The following PANX1 variants were observed in gnomAD, a reference collection of about 807,000 sequenced individuals.
PANX1 encodes the protein pannexin 1, also known as pannexin-1.
A neutral mutation model predicts 38.7 loss-of-function variants in PANX1; 30 were observed. The ratio of observed to expected loss-of-function variants is 0.78; its 90% CI spans 0.58 to 1.05. The LOEUF is 1.05. Ranked by LOEUF, PANX1 falls within the 50% of genes least tolerant of loss-of-function variation. The probability of loss-of-function intolerance (pLI) is 0.00; values close to 1 mark genes in which losing one functional copy is unlikely to be tolerated. For missense variants in PANX1, 551 were observed against 517.2 expected, an observed-to-expected ratio of 1.07 and a Z score of -0.63; for synonymous variants, 230 against 212.2, an observed-to-expected ratio of 1.08 and a Z score of -0.73.
chr11:94,152,434 A>T (rs1449788797), intron 1 of PANX1, among the ~76,000 whole-genome samples: 3 of 152,194 alleles, frequency 2.0e-5, no homozygotes, highest in South Asian at 2.1e-4. Context: ...TTTAAATATG[A>T]CTCATGTCAG....
At chr11:94,144,687 C>T (rs1946807088) in intron 1 of PANX1, among the ~76,000 whole-genome samples, 1 of 152,144 alleles carries the variant, frequency 6.6e-6, no homozygotes, top group African/African-American at 2.4e-5. Flanking sequence ...CCACAGTGCC[C>T]ATCCTTCTCC....
chr11:94,129,547 C>A, intron 1 of PANX1, 54 bp downstream of exon 1: 1 of 1,513,820 alleles, frequency 6.6e-7, no homozygotes, highest in Non-Finnish European at 9.0e-7. Flanking sequence ...GCCCGGTGAG[C>A]TGCGATTTTA....
At chr11:94,165,236 T>C (rs368650856) in intron 2 of PANX1, among the ~76,000 whole-genome samples, 2 of 152,006 alleles carry the variant, frequency 1.3e-5, no homozygotes, top group South Asian at 2.1e-4. Context: ...GGTTGTTTTG[T>C]TAGTTTCTCT....
intron 1 of PANX1, among the ~76,000 whole-genome samples, chr11:94,151,033 C>T (rs1391494626): frequency 1.3e-5 from 2 of 152,164 alleles, no homozygotes; most frequent in Admixed American, 1.3e-4. Flanking sequence ...TACTGAACTA[C>T]TTGGAGCTTT....
intron 1 of PANX1, among the ~76,000 whole-genome samples, chr11:94,133,469 G>T (rs1946653786): frequency 6.6e-6 from 1 of 152,074 alleles, no homozygotes; most frequent in Non-Finnish European, 1.5e-5. Flanking sequence ...GTGATAGTGA[G>T]AATTACAAGC....
intron 1 of PANX1, among the ~76,000 whole-genome samples, chr11:94,137,926 A>G (rs1003945702): frequency 1.1e-4 from 11 of 99,254 alleles, no homozygotes; most frequent in Admixed American, 2.4e-4. Flanking sequence ...GTTGTACATG[A>G]TTTTTTTTGT....
chr11:94,180,280 GCTACGGGAGT>G, intron 4 of PANX1, 23 bp downstream of exon 4: 1 of 1,542,000 alleles, frequency 6.5e-7, no homozygotes, highest in Non-Finnish European at 8.8e-7. Context: ...TTTGGCAGAG[GCTACGGGAGT>G]CTACCGAGAG....
intron 2 of PANX1, among the ~76,000 whole-genome samples, chr11:94,168,125 ACT>A (rs1217075043): frequency 6.6e-6 from 1 of 152,006 alleles, no homozygotes; most frequent in Non-Finnish European, 1.5e-5. Flanking sequence ...CTTTTCATAA[ACT>A]CTCTCTTCCT....
chr11:94,147,031 T>C (rs1946835038), intron 1 of PANX1, among the ~76,000 whole-genome samples: 1 of 152,188 alleles, frequency 6.6e-6, no homozygotes, highest in Non-Finnish European at 1.5e-5. Context: ...ATATATTATA[T>C]ATGCATAGAG....
rs368640471 is a variant in PANX1, at chr11:94,171,531, G to A, written c.322-6838G>A. Among the ~76,000 whole-genome samples, 114 of 151,708 alleles carry A rather than the reference G, an allele frequency of 7.5e-4. 5 individuals carry two copies. Among genetic ancestry groups the A allele is most frequent in the African/African-American group, 2.7e-3 (109 of 41,004 alleles). On this transcript the variant is annotated intron_variant, in intron 2 of 4. Coordinates refer to ENST00000227638, the MANE Select transcript of PANX1 (RefSeq NM_015368.4). ...AAGGGAAGAGGGCAGTGAGGTAGTTGTGTGTCCTGTTCAGAACCAGACTTG... is the reference window on the plus strand; with the variant it reads ...AAGGGAAGAGGGCAGTGAGGTAGTTATGTGTCCTGTTCAGAACCAGACTTG...
Position 94,178,368 on chromosome 11 carries a change from G to A in PANX1, c.322-1G>A. 6.2e-7 allele frequency: 1 copy of A among 1,613,154 alleles called. No homozygotes were observed. The highest frequency in any genetic ancestry group is 1.1e-5 in the South Asian group (1 of 91,052). On this transcript the variant is annotated splice_acceptor_variant, in intron 2 of 4. Transcript: ENST00000227638. LOFTEE classifies it high-confidence loss of function. ...CCATGATTTGTTCTCTTGTTTTTCA[G>A]TTTTTCCCCTACATCCTGCTGCTCT...
chr11:94,175,889 G>GT (rs1174234318), intron 2 of PANX1: 11 of 984,682 alleles, frequency 1.1e-5, no homozygotes, highest in Admixed American at 6.2e-5. Context: ...AGCTGTCTTG[G>GT]TAAGAGGGCT....
intron 1 of PANX1, among the ~76,000 whole-genome samples, chr11:94,138,459 C>T (rs78156671): frequency 0.022 from 3,371 of 151,766 alleles, 119 homozygotes; most frequent in African/African-American, 0.077. Flanking sequence ...TTTTCTTTTC[C>T]GGTTGTCCGT....
intron 1 of PANX1, among the ~76,000 whole-genome samples, chr11:94,133,627 C>G (rs908018503): frequency 1.3e-5 from 2 of 152,108 alleles, no homozygotes; most frequent in Non-Finnish European, 2.9e-5. Context: ...TCTAGTCAGC[C>G]TTTCTAAAAT....
chr11:94,179,767 C>A lies in PANX1; in HGVS notation c.711C>A (p.Leu237=). Residue 237 remains leucine (L), a synonymous_variant, in exon 4 of 5, where the codon CTC becomes CTA. Coordinates refer to ENST00000227638, the MANE Select transcript of PANX1 (RefSeq NM_015368.4). The stretch of plus-strand genomic sequence containing the variant: ...TCTACCTGGGCTATTACTTCAGCCT[C>A]TCCTCACTCTCAGACGAGTTTGTGT... The part of the protein sequence containing the change: ...ACIYLGYYFS[L]SSLSDEFVCS... The A allele has an allele frequency of 6.2e-7, 1 of 1,614,136 alleles. No homozygotes were observed. The highest frequency in any genetic ancestry group is 8.5e-7 in the Non-Finnish European group (1 of 1,180,000).
At chr11:94,146,693 T>C (rs1475383653) in intron 1 of PANX1, among the ~76,000 whole-genome samples, 2 of 152,186 alleles carry the variant, frequency 1.3e-5, no homozygotes, top group East Asian at 1.9e-4. Flanking sequence ...GAGCATTGCA[T>C]TAAACAGGTG....
At chr11:94,154,523 T>G (rs1470998531) in intron 2 of PANX1, among the ~76,000 whole-genome samples, 1 of 152,220 alleles carries the variant, frequency 6.6e-6, no homozygotes, top group East Asian at 1.9e-4. Context: ...GAAGAAAATA[T>G]AGAATTTTAG....
chr11:94,159,201 TA>T (rs1254806825), intron 2 of PANX1, among the ~76,000 whole-genome samples: 7 of 149,174 alleles, frequency 4.7e-5, no homozygotes, highest in African/African-American at 1.5e-4. Context: ...GATATTGGTC[TA>T]AAGTTCTTTT....
chr11:94,138,880 A>G (rs1186438823), intron 1 of PANX1, among the ~76,000 whole-genome samples: 1 of 152,148 alleles, frequency 6.6e-6, no homozygotes, highest in Non-Finnish European at 1.5e-5. Context: ...TTATTTCTTC[A>G]GTTGCATTAT....
Sources: allele counts gnomAD v4.1 joint callset (sites outside exome capture counted in the v4.1 genomes callset), GRCh38; gene constraint gnomAD v4.1.1; transcripts MANE v1.5; gene names NCBI Gene and HGNC (gene_info 2026-07-23, HGNC 2026-07-21).